The following THRAP3 variants were observed in gnomAD, a reference collection of about 807,000 sequenced individuals.
THRAP3 encodes the protein thyroid hormone receptor associated protein 3, also known as thyroid hormone receptor-associated protein 3.
Under a neutral mutation model 101.0 loss-of-function variants are expected in THRAP3, and 16 were observed. The ratio of observed to expected loss-of-function variants is 0.16; its 90% CI spans 0.11 to 0.24. The LOEUF (loss-of-function observed/expected upper bound fraction) is 0.24. THRAP3 is among the 10% of genes least tolerant of loss of function. The pLI is 1.00. For missense variants in THRAP3, 989 were observed against 1,202.7 expected, an observed-to-expected ratio of 0.82 and a Z score of 2.63; for synonymous variants, 407 against 422.6, an observed-to-expected ratio of 0.96 and a Z score of 0.45.
rs1181324379 is a variant in THRAP3, at chr1:36,274,493, CTTTT to C, written c.-31-8035_-31-8032del. Among the ~76,000 whole-genome samples, 3 of 151,804 alleles carry C rather than the reference CTTTT, an allele frequency of 2.0e-5. No homozygotes were observed. In the East Asian group the frequency reaches 5.8e-4, roughly 29 times the overall value. On this transcript the variant is annotated intron_variant, in intron 2 of 11. Transcript: ENST00000354618. ...AAAAAGAGAAAAGTTGGAGGACTCACTTTTTTTTATTTAAAAATGTACTATAGCT... is the reference window on the plus strand; with the variant it reads ...AAAAAGAGAAAAGTTGGAGGACTCACTTTTATTTAAAAATGTACTATAGCT...
chr1:36,295,991 T>TTTTTTTG (rs1645945545), intron 8 of THRAP3, among the ~76,000 whole-genome samples: 1 of 125,600 alleles, frequency 8.0e-6, no homozygotes, highest in African/African-American at 3.1e-5. Context: ...TTTTTTTTTT[T>TTTTTTTG]GAGAGATAGT....
At chr1:36,303,693 C>T (rs1376095630) in intron 11 of THRAP3, 103 bp from the exon 12 acceptor site, 1 of 1,549,780 alleles carries the variant, frequency 6.5e-7, no homozygotes, top group African/African-American at 1.4e-5. Context: ...TGGGTTAGGG[C>T]ACAGGTTCTT....
intron 11 of THRAP3, among the ~76,000 whole-genome samples, chr1:36,302,285 G>T (rs1253618064): frequency 6.6e-6 from 1 of 152,214 alleles, no homozygotes; most frequent in Non-Finnish European, 1.5e-5. Flanking sequence ...TGGTGTGAGT[G>T]TTATAACTAA....
Position 36,304,165 on chromosome 1 carries a change from A to G in THRAP3, c.*148A>G. 4 of 1,254,170 alleles carry G rather than the reference A, an allele frequency of 3.2e-6. No homozygotes were observed. Among genetic ancestry groups the G allele is most frequent in the Non-Finnish European group, 4.3e-6 (4 of 939,206 alleles). The allele number at this position is 1,254,170 out of a possible 1,614,324, so 77.7% of individuals were successfully genotyped here. A position where few individuals can be genotyped will look rare whatever the true frequency, so the allele number is the denominator to read the frequency against. ...CACAGATTGTACTACCGCGAGAGGC[A>G]TCCCTGGCGCTGTCTCCCACTGGAC... On this transcript the variant is annotated 3_prime_UTR_variant, in exon 12 of 12. Transcript: ENST00000354618.
chr1:36,211,099 A>C, the THRAP3 span, among the ~76,000 whole-genome samples: 2 of 151,632 alleles, frequency 1.3e-5, no homozygotes, highest in East Asian at 3.9e-4. Context: ...TGTAATCCCA[A>C]CACATTGGGA....
intron 2 of THRAP3, among the ~76,000 whole-genome samples, chr1:36,272,650 A>G (rs1645606268): frequency 1.3e-5 from 2 of 152,142 alleles, no homozygotes; most frequent in Non-Finnish European, 1.5e-5. Flanking sequence ...GGGTGGTGGT[A>G]TTTCTTTCTT....
chr1:36,245,156 C>A (rs1570254027), intron 1 of THRAP3, among the ~76,000 whole-genome samples: 1 of 151,792 alleles, frequency 6.6e-6, no homozygotes, highest in Admixed American at 6.6e-5. Context: ...ATGTGACACC[C>A]CCATCCCAAT....
intron 1 of THRAP3, among the ~76,000 whole-genome samples, chr1:36,234,016 C>T (rs559010702): frequency 2.6e-5 from 4 of 152,090 alleles, no homozygotes; most frequent in Admixed American, 2.0e-4. Flanking sequence ...AGTATGGTGG[C>T]GTGATCACGG....
At chr1:36,292,930 G>T (rs1479552306) in intron 7 of THRAP3, among the ~76,000 whole-genome samples, 2 of 151,810 alleles carry the variant, frequency 1.3e-5, no homozygotes, top group African/African-American at 4.8e-5. Context: ...CAGCTCTCTT[G>T]ACATAGATTA....
intron 1 of THRAP3, among the ~76,000 whole-genome samples, chr1:36,243,158 T>TC (rs1378883001): frequency 1.4e-5 from 2 of 144,316 alleles, no homozygotes; most frequent in Non-Finnish European, 3.0e-5. Context: ...TTTCTTTTTT[T>TC]TTTTTTTTTT....
chr1:36,299,225 G>A (rs917964159), intron 9 of THRAP3, among the ~76,000 whole-genome samples: 1 of 152,020 alleles, frequency 6.6e-6, no homozygotes, highest in African/African-American at 2.4e-5. Context: ...TGGAGCATGA[G>A]GTCAGAAGAT....
intron 1 of THRAP3, chr1:36,242,290 C>G (rs1645170369): frequency 6.6e-6 from 1 of 151,980 alleles, no homozygotes; most frequent in Admixed American, 6.6e-5. Context: ...TAGCTGGGAC[C>G]ACAGGTGTGC....
chr1:36,220,970 A>AT (rs1483311673), upstream of THRAP3, among the ~76,000 whole-genome samples: 217 of 128,262 alleles, frequency 1.7e-3, 1 homozygote, highest in South Asian at 4.8e-3. Context: ...AAAAAAAAAA[A>AT]AAATATATAT....
Position 36,270,571 on chromosome 1 carries a change from G to GGTTTT in THRAP3, c.-32+11087_-32+11088insGTTTT, listed in dbSNP as rs1553121666. ...TAAAAATACAGTTCTATTTGTTTAGGTTTTTGTTTTTTTTTTTTTTTTTGA... is the reference window on the plus strand; with the variant it reads ...TAAAAATACAGTTCTATTTGTTTAGGGTTTTTTTTTGTTTTTTTTTTTTTTTTTGA... On this transcript the variant is annotated intron_variant, in intron 2 of 11. Coordinates refer to ENST00000354618, the MANE Select transcript of THRAP3 (RefSeq NM_005119.4). Among the ~76,000 whole-genome samples, 42 of 31,884 alleles carry GGTTTT rather than the reference G, an allele frequency of 1.3e-3. 3 individuals are homozygous for GGTTTT. Among genetic ancestry groups the GGTTTT allele is most frequent in the African/African-American group, 3.0e-3 (42 of 14,188 alleles). The allele number at this position is 31,884 out of a possible 152,430, so 20.9% of individuals were successfully genotyped here. A position where few individuals can be genotyped will look rare whatever the true frequency, so the allele number is the denominator to read the frequency against.
At chr1:36,281,259 T>C (rs1229352626) in intron 2 of THRAP3, among the ~76,000 whole-genome samples, 1 of 152,240 alleles carries the variant, frequency 6.6e-6, no homozygotes, top group Non-Finnish European at 1.5e-5. Flanking sequence ...TATGACTAGA[T>C]GTGCCACATA....
At chr1:36,231,541 T>C (rs946922269) in intron 1 of THRAP3, among the ~76,000 whole-genome samples, 1 of 152,254 alleles carries the variant, frequency 6.6e-6, no homozygotes, top group Non-Finnish European at 1.5e-5. Flanking sequence ...TTCTATTGTT[T>C]TTTAAAATAA....
chr1:36,221,258 T>A (rs1188160706), upstream of THRAP3, among the ~76,000 whole-genome samples: 1 of 150,732 alleles, frequency 6.6e-6, no homozygotes, highest in Non-Finnish European at 1.5e-5. Flanking sequence ...TTATGTAAAG[T>A]TGGTTGATAA....
intron 1 of THRAP3, among the ~76,000 whole-genome samples, chr1:36,234,516 A>G (rs1322786008): frequency 6.6e-6 from 1 of 152,156 alleles, no homozygotes; most frequent in Non-Finnish European, 1.5e-5. Context: ...TGTCGTATGT[A>G]TATATATTTT....
Position 36,286,457 on chromosome 1 carries a change from A to C in THRAP3, c.227A>C (p.His76Pro). 6.2e-7 allele frequency: 1 copy of C among 1,614,214 alleles called. No homozygotes were observed. The highest frequency in any genetic ancestry group is 8.5e-7 in the Non-Finnish European group (1 of 1,180,046). Reference protein sequence around the residue: ...RVYQNRDFRGHNRGYRRPYYF... With the variant: ...RVYQNRDFRGPNRGYRRPYYF... Reference sequence around the variant, plus strand: ...TATCAGAATCGGGATTTCCGAGGTCACAACAGAGGCTATAGAAGGCCCTAT... The same window carrying C: ...TATCAGAATCGGGATTTCCGAGGTCCCAACAGAGGCTATAGAAGGCCCTAT... Residue 76 changes from histidine to proline, a missense_variant, in exon 4 of 12, where the codon CAC becomes CCC. By Grantham distance (77) the His-to-Pro change is moderately conservative. Coordinates refer to ENST00000354618, the MANE Select transcript of THRAP3 (RefSeq NM_005119.4). The surrounding 1 kb of genome is among the most constrained non-coding windows in gnomAD (Gnocchi z 5.5).
Sources: allele counts gnomAD v4.1 joint callset (sites outside exome capture counted in the v4.1 genomes callset), GRCh38; gene constraint gnomAD v4.1.1; non-coding constraint Gnocchi (gnomAD v3.1); transcripts MANE v1.5; gene names NCBI Gene and HGNC (gene_info 2026-07-23, HGNC 2026-07-21).